ELAVL4: variants seen among roughly 807,000 people sequenced by gnomAD.
ELAVL4 encodes ELAV like RNA binding protein 4.
ELAVL4 carries 1 observed loss-of-function variant against 35.6 expected under a neutral mutation model. The observed-to-expected ratio is 0.03, with a 90% CI of 0.01 to 0.13. ELAVL4 has a LOEUF of 0.13. Ranked by LOEUF, ELAVL4 falls within the 10% of genes least tolerant of loss-of-function variation. The pLI is 1.00. For synonymous variants in ELAVL4, 156 were observed against 171.0 expected, an observed-to-expected ratio of 0.91 and a Z score of 0.69; for missense variants, 267 against 464.9, an observed-to-expected ratio of 0.57 and a Z score of 3.91.
chr1:50,110,317 T>G (rs2148533745), intron 1 of ELAVL4, among the ~76,000 whole-genome samples: 1 of 152,228 alleles, frequency 6.6e-6, no homozygotes, highest in Non-Finnish European at 1.5e-5. Context: ...ATTACACGAC[T>G]GCTAAAGTTA....
intron 6 of ELAVL4, among the ~76,000 whole-genome samples, chr1:50,200,627 A>T (rs969213267): frequency 1.3e-5 from 2 of 152,102 alleles, no homozygotes; most frequent in African/African-American, 4.8e-5. Context: ...TTAGAAATTG[A>T]CCTAGGTCTT....
chr1:50,177,152 A>G lies in ELAVL4; in HGVS notation c.314A>G (p.Asn105Ser). Residue 105 changes from asparagine (N) to serine (S), a missense_variant, in exon 3 of 7, where the codon AAC becomes AGC. Physicochemically the swap from Asn to Ser is conservative, Grantham distance 46. This residue lies in a region of ELAVL4 where 216 missense variants were observed against 409.5 expected (regional missense o/e 0.53). Coordinates refer to ENST00000371824, the MANE Select transcript of ELAVL4 (RefSeq NM_001144774.3). ...CCAAAGGATGCAGAGAAAGCCATCA[A>G]CACTTTAAATGGACTCAGACTCCAG... The part of the protein sequence containing the change: ...IDPKDAEKAI[N>S]TLNGLRLQTK... 6.2e-7 allele frequency: 1 copy of G among 1,614,068 alleles called. No individual in the cohort carries two copies.
chr1:50,160,378 A>T (rs1676584833), intron 2 of ELAVL4, among the ~76,000 whole-genome samples: 1 of 152,158 alleles, frequency 6.6e-6, no homozygotes, highest in East Asian at 1.9e-4. Flanking sequence ...CCTACCTGCA[A>T]GTTAAATAGC....
intron 1 of ELAVL4, among the ~76,000 whole-genome samples, chr1:50,090,277 C>G (rs1263914869): frequency 6.6e-6 from 1 of 152,080 alleles, no homozygotes; most frequent in Non-Finnish European, 1.5e-5. Context: ...TTGAAAAAAT[C>G]CCCACCTCTC....
intron 1 of ELAVL4, among the ~76,000 whole-genome samples, chr1:50,072,591 G>C (rs766925333): frequency 2.0e-5 from 3 of 152,170 alleles, no homozygotes; most frequent in Non-Finnish European, 4.4e-5. Flanking sequence ...AGCTCATCAA[G>C]TGGGGACACA....
At chr1:50,151,731 C>T (rs1406349715) in intron 2 of ELAVL4, among the ~76,000 whole-genome samples, 1 of 152,170 alleles carries the variant, frequency 6.6e-6, no homozygotes, top group East Asian at 1.9e-4. Context: ...AGAGGAAAAT[C>T]AGGCAGATTC....
chr1:50,109,016 C>CGGGCGGG lies in ELAVL4; in HGVS notation c.-174_-173insGGGCGGG. The CGGGCGGG allele has an allele frequency of 1.5e-5, 14 of 905,636 alleles. No individual in the cohort carries two copies. Among genetic ancestry groups the CGGGCGGG allele is most frequent in the South Asian group, 5.1e-5 (1 of 19,488 alleles). 56.1% of individuals were successfully genotyped at this position (905,636 alleles called of 1,614,324 possible). A position where few individuals can be genotyped will look rare whatever the true frequency, so the allele number is the denominator to read the frequency against. The stretch of plus-strand genomic sequence containing the variant: ...CTCCTTTTCTTTTTTTTCTTTCTCT[C>CGGGCGGG]CCCCGCCCACCCCCCCAAAAATAAT... On this transcript the variant is annotated 5_prime_UTR_variant, in exon 1 of 7. Transcript: ENST00000371824.
At chr1:50,059,140 A>G (rs78684662) in intron 1 of ELAVL4, among the ~76,000 whole-genome samples, 8,079 of 152,226 alleles carry the variant, frequency 0.053, 240 homozygotes, top group African/African-American at 0.071. Flanking sequence ...GTATAAATAA[A>G]AATTGCCACC....
intron 3 of ELAVL4, chr1:50,180,509 CTG>C (rs1680858185): frequency 6.6e-6 from 1 of 152,182 alleles, no homozygotes; most frequent in African/African-American, 2.4e-5. Flanking sequence ...TTACATGACT[CTG>C]TGTGAATACT....
intron 1 of ELAVL4, among the ~76,000 whole-genome samples, chr1:50,119,717 A>T (rs772205369): frequency 5.3e-5 from 8 of 151,934 alleles, no homozygotes; most frequent in Non-Finnish European, 1.0e-4. Context: ...CCAAGAACAG[A>T]AGAACAAGTT....
chr1:50,176,452 G>A (rs1680049696), intron 2 of ELAVL4, among the ~76,000 whole-genome samples: 1 of 152,220 alleles, frequency 6.6e-6, no homozygotes, highest in African/African-American at 2.4e-5. Flanking sequence ...GAATGTGGGT[G>A]TGGCTGGCAT....
intron 2 of ELAVL4, among the ~76,000 whole-genome samples, chr1:50,164,848 A>G (rs12074155): frequency 6.6e-6 from 1 of 152,204 alleles, no homozygotes; most frequent in Non-Finnish European, 1.5e-5. Flanking sequence ...GTAAATATCC[A>G]TGTGAATAGA....
intron 3 of ELAVL4, among the ~76,000 whole-genome samples, chr1:50,184,056 C>T (rs1681455968): frequency 1.3e-5 from 2 of 152,194 alleles, no homozygotes; most frequent in African/African-American, 2.4e-5. Flanking sequence ...ACCAGAGACA[C>T]GTTTACCCCA....
At position 50,109,016 on chromosome 1, in the gene ELAVL4, C is replaced by CCGGGGGGGGG; in HGVS notation, c.-173_-172insGGGGGGGGGC. The CCGGGGGGGGG allele has an allele frequency of 1.1e-6, 1 of 905,796 alleles. No homozygotes were observed. The highest frequency in any genetic ancestry group is 1.3e-6 in the Non-Finnish European group (1 of 761,410). The allele number at this position is 905,796 out of a possible 1,614,324, so 56.1% of individuals were successfully genotyped here. A position where few individuals can be genotyped will look rare whatever the true frequency, so the allele number is the denominator to read the frequency against. Reference sequence around the variant, plus strand: ...CTCCTTTTCTTTTTTTTCTTTCTCTCCCCCGCCCACCCCCCCAAAAATAAT... The same window carrying CCGGGGGGGGG: ...CTCCTTTTCTTTTTTTTCTTTCTCTCCGGGGGGGGGCCCCGCCCACCCCCCCAAAAATAAT... On this transcript the variant is annotated 5_prime_UTR_variant, in exon 1 of 7. Transcript: ENST00000371824.
chr1:50,186,255 C>T (rs776612098), intron 3 of ELAVL4, among the ~76,000 whole-genome samples: 2 of 152,154 alleles, frequency 1.3e-5, no homozygotes, highest in Non-Finnish European at 2.9e-5. Context: ...CTAAAATCCG[C>T]GGCATAAAGT....
At chr1:50,192,027 T>C (rs1331061066) in intron 3 of ELAVL4, among the ~76,000 whole-genome samples, 1 of 152,240 alleles carries the variant, frequency 6.6e-6, no homozygotes, top group African/African-American at 2.4e-5. Context: ...GAGAACCTTC[T>C]GTGGAGTGAA....
At chr1:50,080,068 C>T (rs11205681) in intron 1 of ELAVL4, among the ~76,000 whole-genome samples, 4 of 152,194 alleles carry the variant, frequency 2.6e-5, no homozygotes, top group Admixed American at 2.6e-4. Context: ...ATGGTTAGAA[C>T]AGCTGGAAGC....
chr1:50,065,735 A>G (rs1664227984), intron 1 of ELAVL4, among the ~76,000 whole-genome samples: 1 of 152,120 alleles, frequency 6.6e-6, no homozygotes, highest in African/African-American at 2.4e-5. Context: ...AGTTCTTTTT[A>G]TCTCAGTTGG....
intron 1 of ELAVL4, among the ~76,000 whole-genome samples, chr1:50,052,994 T>C (rs1328605720): frequency 2.0e-5 from 3 of 152,192 alleles, no homozygotes; most frequent in African/African-American, 7.2e-5. Flanking sequence ...CCAGTTGCTG[T>C]AGGAATTTTT....
Sources: allele counts gnomAD v4.1 joint callset (sites outside exome capture counted in the v4.1 genomes callset), GRCh38; gene constraint gnomAD v4.1.1; regional missense constraint gnomAD v4.1.1; transcripts MANE v1.5; gene names NCBI Gene and HGNC (gene_info 2026-07-23, HGNC 2026-07-21).